The following ATP2B2 variants were observed in gnomAD, a reference collection of about 807,000 sequenced individuals.
The protein encoded by ATP2B2 is ATPase plasma membrane Ca2+ transporting 2.
ATP2B2 carries 15 observed loss-of-function variants against 120.0 expected under a neutral mutation model. The observed-to-expected ratio is 0.12, with a 90% CI of 0.08 to 0.19. The LOEUF is 0.19. Among genes scored for constraint, ATP2B2 ranks in the 10% least tolerant of loss-of-function variants. The probability of loss-of-function intolerance (pLI) is 1.00; values close to 1 mark genes in which losing one functional copy is unlikely to be tolerated. For synonymous variants in ATP2B2, 694 were observed against 700.3 expected, an observed-to-expected ratio of 0.99 and a Z score of 0.14; for missense variants, 1,045 against 1,719.8, an observed-to-expected ratio of 0.61 and a Z score of 6.94.
chr3:10,379,225 T>C lies in ATP2B2; in HGVS notation c.1042+18A>G. The C allele has an allele frequency of 6.2e-7, 1 of 1,613,552 alleles. No homozygotes were observed. Among genetic ancestry groups the C allele is most frequent in the Non-Finnish European group, 8.5e-7 (1 of 1,179,700 alleles). On this transcript the variant is annotated intron_variant, in intron 9 of 22. Transcript: ENST00000360273. ...GGGCCTCAGGGACGACAAACGCCGG[T>C]TAAAACAAAAGGGTTACCTTTGCTC... is the stretch of plus-strand genomic sequence containing the variant.
chr3:10,512,510 A>T (rs1226130172), intron 3 of ATP2B2, among the ~76,000 whole-genome samples: 1 of 131,446 alleles, frequency 7.6e-6, no homozygotes, highest in Non-Finnish European at 1.7e-5. Flanking sequence ...ACACACACAC[A>T]CACACACTGT....
At chr3:10,563,101 A>G (rs2067938421) in intron 2 of ATP2B2, among the ~76,000 whole-genome samples, 1 of 152,210 alleles carries the variant, frequency 6.6e-6, no homozygotes, top group South Asian at 2.1e-4. Context: ...TTAAAAATTG[A>G]TAGAGCAGTA....
chr3:10,349,626 T>C (rs1245494135), intron 16 of ATP2B2, among the ~76,000 whole-genome samples: 2 of 151,814 alleles, frequency 1.3e-5, no homozygotes, highest in South Asian at 4.2e-4. Context: ...TCACAAACGT[T>C]GGTTGGGGGC....
chr3:10,487,722 C>T lies in ATP2B2; in HGVS notation c.-320+17743G>A, dbSNP rs369898571. 4.6e-5 allele frequency among the ~76,000 whole-genome samples: 7 copies of T among 152,146 alleles called. No homozygotes were observed. The South Asian group carries it at 6.2e-4, about 14-fold the overall frequency. ...GGGAAAGGAAACAGAGAGAATTGGC[C>T]GTTAATGTTCATGGGAATCACGAGC... is the stretch of plus-strand genomic sequence containing the variant. On this transcript the variant is annotated intron_variant, in intron 1 of 22. Transcript: ENST00000360273.
intron 22 of ATP2B2, among the ~76,000 whole-genome samples, chr3:10,330,963 T>TTGTC (rs1442743180): frequency 1.3e-5 from 2 of 152,162 alleles, no homozygotes; most frequent in African/African-American, 4.8e-5. Context: ...ACCCCATGGA[T>TTGTC]TGTCTTGTTT....
chr3:10,687,140 G>A (rs2071542756), intron 1 of ATP2B2, among the ~76,000 whole-genome samples: 1 of 152,176 alleles, frequency 6.6e-6, no homozygotes, highest in African/African-American at 2.4e-5. Context: ...TACACCTTAG[G>A]GATTAAAGAG....
chr3:10,361,089 T>C (rs1442838467), intron 12 of ATP2B2, among the ~76,000 whole-genome samples: 1 of 152,230 alleles, frequency 6.6e-6, no homozygotes, highest in East Asian at 1.9e-4. Context: ...TACGTGCTGA[T>C]AATCTGTTCC....
In ATP2B2 at chr3:10,326,626, T is replaced by A. The variant is rs2059862382; in HGVS notation, c.*2188A>T. 2.5e-6 allele frequency: 1 copy of A among 398,622 alleles called. No homozygotes were observed. The highest frequency in any genetic ancestry group is 4.4e-6 in the Non-Finnish European group (1 of 226,026). The allele number at this position is 398,622 out of a possible 1,614,324, so 24.7% of individuals were successfully genotyped here. A position where few individuals can be genotyped will look rare whatever the true frequency, so the allele number is the denominator to read the frequency against. On this transcript the variant is annotated 3_prime_UTR_variant, in exon 23 of 23. Coordinates refer to ENST00000360273, the MANE Select transcript of ATP2B2 (RefSeq NM_001001331.4). ...AGCAGTGGGCTGGCTTTGGTGGCGTTTGTACTGGAATCCAATAAGCACATC... is the reference window on the plus strand; with the variant it reads ...AGCAGTGGGCTGGCTTTGGTGGCGTATGTACTGGAATCCAATAAGCACATC...
chr3:10,669,726 G>A (rs967865916), intron 1 of ATP2B2, among the ~76,000 whole-genome samples: 60 of 152,148 alleles, frequency 3.9e-4, no homozygotes, highest in African/African-American at 1.4e-3. Context: ...TCGCCTCTGA[G>A]CCCTGGAGGT....
intron 1 of ATP2B2, among the ~76,000 whole-genome samples, chr3:10,681,228 T>C (rs9828859): frequency 0.026 from 4,034 of 152,296 alleles, 168 homozygotes; most frequent in African/African-American, 0.09. Context: ...TTTATAGCAA[T>C]GCTAGAATGG....
In ATP2B2 at chr3:10,328,144, C is replaced by T. The variant is rs533798827; in HGVS notation, c.*670G>A. 11 of 148,766 alleles carry T rather than the reference C, an allele frequency of 7.4e-5. 1 individual carries two copies. The highest frequency in any genetic ancestry group is 2.0e-4 in the African/African-American group (8 of 40,644). The allele number at this position is 148,766 out of a possible 1,614,324, so 9.2% of individuals were successfully genotyped here. On this transcript the variant is annotated 3_prime_UTR_variant, in exon 23 of 23. Coordinates refer to ENST00000360273, the MANE Select transcript of ATP2B2 (RefSeq NM_001001331.4). ...ATTTATATATATATATATATATCTA[C>T]CTATCTATATGGACGTATACAGTCT...
intron 1 of ATP2B2, among the ~76,000 whole-genome samples, chr3:10,501,372 G>GTTTTTTTT (rs140295226): frequency 1.4e-5 from 2 of 138,062 alleles, no homozygotes. Flanking sequence ...TTTTTTAAAC[G>GTTTTTTTT]GTTTTTTTTT....
chr3:10,599,416 C>G (rs1330307523), intron 2 of ATP2B2, among the ~76,000 whole-genome samples: 1 of 152,196 alleles, frequency 6.6e-6, no homozygotes, highest in Admixed American at 6.5e-5. Flanking sequence ...AAGCTTTCCC[C>G]TCCCTGCAGG....
intron 1 of ATP2B2, among the ~76,000 whole-genome samples, chr3:10,504,990 C>T (rs1285615012): frequency 1.3e-5 from 2 of 152,116 alleles, no homozygotes; most frequent in Admixed American, 1.3e-4. Context: ...CCTCCTGCCT[C>T]TTTCCTGGGA....
At chr3:10,529,776 G>T (rs1405146218) in intron 3 of ATP2B2, among the ~76,000 whole-genome samples, 1 of 152,218 alleles carries the variant, frequency 6.6e-6, no homozygotes, top group African/African-American at 2.4e-5. Context: ...AAGTTAAAAT[G>T]AGGCCACTAG....
At chr3:10,398,891 C>T (rs2062129689) in intron 5 of ATP2B2, among the ~76,000 whole-genome samples, 1 of 152,216 alleles carries the variant, frequency 6.6e-6, no homozygotes, top group African/African-American at 2.4e-5. Context: ...CTGGGCCCTC[C>T]TGCCCCTGCT....
intron 2 of ATP2B2, among the ~76,000 whole-genome samples, chr3:10,437,041 G>C (rs2063500981): frequency 6.6e-6 from 1 of 152,174 alleles, no homozygotes. Flanking sequence ...GAAGCTAAAA[G>C]GTACTTAGTT....
chr3:10,702,005 C>A (rs1290956730), intron 1 of ATP2B2, among the ~76,000 whole-genome samples: 1 of 152,314 alleles, frequency 6.6e-6, no homozygotes, highest in East Asian at 1.9e-4. Context: ...ACAACCTCCC[C>A]CTTATCAGGG....
chr3:10,599,390 C>G (rs1190985248), intron 2 of ATP2B2, among the ~76,000 whole-genome samples: 1 of 152,172 alleles, frequency 6.6e-6, no homozygotes, highest in African/African-American at 2.4e-5. Context: ...GCTCCCGGAC[C>G]CTCCTCTTCA....
Sources: gnomAD v4.1 joint callset for allele counts (sites outside exome capture counted in the v4.1 genomes callset) on GRCh38, gnomAD v4.1.1 for gene constraint, MANE v1.5 for transcripts, NCBI Gene and HGNC (gene_info 2026-07-23, HGNC 2026-07-21) for gene names.